Variants in KLHL3 observed in about 807,000 individuals in gnomAD.
The protein encoded by KLHL3 is kelch like family member 3.
A neutral mutation model predicts 70.5 loss-of-function variants in KLHL3; 19 were observed. The observed-to-expected ratio is 0.27, with a 90% CI of 0.19 to 0.40. KLHL3 has a LOEUF of 0.40. Ranked by LOEUF, KLHL3 falls within the 10% of genes least tolerant of loss-of-function variation. KLHL3 has a pLI of 1.00. For synonymous variants in KLHL3, 258 were observed against 290.3 expected (o/e 0.89, Z 1.13); for missense variants, 512 against 771.1 (o/e 0.66, Z 3.98).
At chr5:137,688,885 C>T (rs1451911404) in intron 5 of KLHL3, among the ~76,000 whole-genome samples, 1 of 152,218 alleles carries the variant, frequency 6.6e-6, no homozygotes, top group Non-Finnish European at 1.5e-5. Context: ...CATACACAGA[C>T]CCATAATGCA....
chr5:137,627,486 C>G lies in KLHL3; in HGVS notation c.1591+811G>C, dbSNP rs993813121. On this transcript the variant is annotated intron_variant, in intron 13 of 14. Transcript: ENST00000309755. ...ATTAGTAAATATCACCACCCCCCCC[C>G]CCGGTTTACACTTCCAAGTCAGCCA... is the stretch of plus-strand genomic sequence containing the variant. Among the ~76,000 whole-genome samples, 21 of 131,012 alleles carry G rather than the reference C, an allele frequency of 1.6e-4. 3 individuals are homozygous for G. The highest frequency in any genetic ancestry group is 1.4e-3 in the South Asian group (5 of 3,484). The allele number at this position is 131,012 out of a possible 152,430, so 85.9% of individuals were successfully genotyped here.
chr5:137,628,724 G>T (rs199901761), intron 12 of KLHL3: 2,714 of 64,404 alleles, frequency 0.042, 45 homozygotes, highest in Non-Finnish European at 0.076. Context: ...CACACACACA[G>T]ACAGACAGAC....
intron 13 of KLHL3, chr5:137,627,991 C>T (rs1042052505): frequency 4.9e-5 from 16 of 328,932 alleles, no homozygotes; most frequent in South Asian, 7.8e-5. Context: ...TGTTGGGCAG[C>T]GGGCACTGAT....
chr5:137,678,491 TTA>T (rs983281643), intron 5 of KLHL3, among the ~76,000 whole-genome samples: 3 of 152,204 alleles, frequency 2.0e-5, no homozygotes, highest in Non-Finnish European at 2.9e-5. Flanking sequence ...CCATTTATGA[TTA>T]TGTTTTTGGG....
At chr5:137,715,669 T>C (rs1364299675) in intron 2 of KLHL3, among the ~76,000 whole-genome samples, 3 of 152,178 alleles carry the variant, frequency 2.0e-5, no homozygotes, top group Admixed American at 2.0e-4. Flanking sequence ...ATCATCATCA[T>C]AGCTAATGCT....
At chr5:137,720,859 G>C in intron 1 of KLHL3, 3 of 1,249,340 alleles carry the variant, frequency 2.4e-6, no homozygotes, top group Non-Finnish European at 3.0e-6. Context: ...TCTCCATCCT[G>C]AAAACTGAAG....
chr5:137,652,047 C>CAA (rs770536612), intron 8 of KLHL3, among the ~76,000 whole-genome samples: 1 of 148,694 alleles, frequency 6.7e-6, no homozygotes, highest in Non-Finnish European at 1.5e-5. Flanking sequence ...TTAAGAACAA[C>CAA]AACAAAAAAA....
At chr5:137,689,334 T>C (rs1280638859) in intron 5 of KLHL3, among the ~76,000 whole-genome samples, 3 of 152,250 alleles carry the variant, frequency 2.0e-5, no homozygotes, top group Non-Finnish European at 4.4e-5. Flanking sequence ...TTACTGGGTA[T>C]ATACCCAAAG....
intron 2 of KLHL3, among the ~76,000 whole-genome samples, chr5:137,716,863 G>A (rs1437460320): frequency 6.6e-6 from 1 of 152,106 alleles, no homozygotes; most frequent in Non-Finnish European, 1.5e-5. Flanking sequence ...AGAACCTTAG[G>A]GAGGAAAGCT....
intron 8 of KLHL3, among the ~76,000 whole-genome samples, chr5:137,649,504 C>T (rs944137475): frequency 6.6e-6 from 1 of 152,166 alleles, no homozygotes; most frequent in African/African-American, 2.4e-5. Context: ...GAAATAACTG[C>T]ACCCCGACCA....
intron 13 of KLHL3, 176 bp downstream of exon 13, chr5:137,628,121 G>A (rs1251292953): frequency 1.4e-6 from 1 of 689,962 alleles, no homozygotes; most frequent in East Asian, 2.7e-5. Flanking sequence ...CTAGCTTTTG[G>A]GGTCTCAATT....
intron 14 of KLHL3, among the ~76,000 whole-genome samples, chr5:137,625,148 A>G (rs1750427372): frequency 6.6e-6 from 1 of 152,260 alleles, no homozygotes; most frequent in Non-Finnish European, 1.5e-5. Flanking sequence ...TCTGTTCCTA[A>G]CACACTGCCC....
At chr5:137,652,540 C>T (rs1267164409) in intron 8 of KLHL3, among the ~76,000 whole-genome samples, 2 of 152,166 alleles carry the variant, frequency 1.3e-5, no homozygotes, top group Non-Finnish European at 2.9e-5. Context: ...GAGGACATTA[C>T]GTTAAGTGAA....
intron 5 of KLHL3, among the ~76,000 whole-genome samples, chr5:137,691,500 C>A (rs1323519803): frequency 6.6e-6 from 1 of 152,126 alleles, no homozygotes; most frequent in African/African-American, 2.4e-5. Context: ...TGGATCAGAA[C>A]CTGCATTTTA....
intron 1 of KLHL3, among the ~76,000 whole-genome samples, chr5:137,723,943 A>C (rs1753045769): frequency 6.6e-6 from 1 of 152,192 alleles, no homozygotes; most frequent in African/African-American, 2.4e-5. Context: ...ATTTTATCAA[A>C]TGTCTTTGTG....
At chr5:137,694,656 T>C (rs1374751602) in intron 4 of KLHL3, among the ~76,000 whole-genome samples, 3 of 152,028 alleles carry the variant, frequency 2.0e-5, no homozygotes, top group Non-Finnish European at 4.4e-5. Flanking sequence ...CCCTGGCCAG[T>C]ATCAGCTAGA....
intron 5 of KLHL3, 120 bp downstream of exon 5, chr5:137,692,161 CCTAA>C (rs1752338812): frequency 2.5e-6 from 2 of 810,670 alleles, no homozygotes; most frequent in Non-Finnish European, 3.9e-6. Context: ...CACCTGTATC[CCTAA>C]CTAAATCATA....
intron 5 of KLHL3, among the ~76,000 whole-genome samples, chr5:137,685,368 G>A (rs1225050350): frequency 6.6e-6 from 1 of 152,182 alleles, no homozygotes; most frequent in Non-Finnish European, 1.5e-5. Flanking sequence ...ATAAGATATA[G>A]CCATACACAA....
In KLHL3 at chr5:137,639,393, G is replaced by C. The variant is rs891109173; in HGVS notation, c.1022-243C>G. 1.3e-5 allele frequency among the ~76,000 whole-genome samples: 2 copies of C among 152,120 alleles called. No homozygotes were observed. Among genetic ancestry groups the C allele is most frequent in the African/African-American group, 4.8e-5 (2 of 41,420 alleles). On this transcript the variant is annotated intron_variant, in intron 9 of 14. Transcript: ENST00000309755. This position sits in a 1 kb window ranked among gnomAD's most constrained non-coding sequence, Gnocchi z 5.0. ...AAGCTCATAAGAACTGACCCCAAAA[G>C]AGCCAAAAACTGTGCAAGTGGCCGG...
Sources: gnomAD v4.1 joint callset for allele counts (sites outside exome capture counted in the v4.1 genomes callset) on GRCh38, gnomAD v4.1.1 for gene constraint, Gnocchi (gnomAD v3.1) non-coding constraint, MANE v1.5 for transcripts, NCBI Gene and HGNC (gene_info 2026-07-23, HGNC 2026-07-21) for gene names.